The following SSUH2 variants were observed in gnomAD, a reference collection of about 807,000 sequenced individuals.
The protein encoded by SSUH2 is protein SSUH2 homolog.
Under a neutral mutation model 55.3 loss-of-function variants are expected in SSUH2, and 47 were observed. The ratio of observed to expected loss-of-function variants is 0.85; its 90% confidence interval spans 0.67 to 1.08. SSUH2 has a LOEUF of 1.08. Among genes scored for constraint, SSUH2 ranks in the 50% least tolerant of loss-of-function variants. SSUH2 has a pLI of 0.00. For synonymous variants in SSUH2, 212 were observed against 191.5 expected, an observed-to-expected ratio of 1.11 and a Z score of -0.89; for missense variants, 535 against 490.7, an observed-to-expected ratio of 1.09 and a Z score of -0.85.
chr3:8,630,893 G>T lies in SSUH2; in HGVS notation c.437C>A (p.Pro146His). Reference sequence around the variant, plus strand: ...TTGAACCTTGATGTCCCAGAGCCTGGGGGAGGCGCCTCTTTGCGGCCCATC... The same window carrying T: ...TTGAACCTTGATGTCCCAGAGCCTGTGGGAGGCGCCTCTTTGCGGCCCATC... ...SVDGPQRGAS[P>H]RLWDIKVQGP... The change falls in exon 6 of 12, where the codon CCC becomes CAC. Residue 146 changes from proline (P) to histidine (H), a missense_variant. Coordinates refer to ENST00000544814, the MANE Select transcript of SSUH2 (RefSeq NM_001256748.3). 6.8e-7 allele frequency: 1 copy of T among 1,472,778 alleles called. No homozygotes were observed. Among genetic ancestry groups the T allele is most frequent in the Non-Finnish European group, 9.0e-7 (1 of 1,112,380 alleles). The allele number at this position is 1,472,778 out of a possible 1,614,324, so 91.2% of individuals were successfully genotyped here.
At chr3:8,675,831 G>A (rs574393281) in intron 3 of SSUH2, among the ~76,000 whole-genome samples, 2 of 152,082 alleles carry the variant, frequency 1.3e-5, no homozygotes, top group Admixed American at 6.5e-5. Context: ...CCAGCCCTGG[G>A]GCTACCGGAT....
Position 8,620,016 on chromosome 3 carries a change from T to C in SSUH2, c.982-2A>G. ...GGGGATCAGCTCAATGGTCTGGCGCTGAGGAAACAAATAGCCAAGGAAAAT... is the reference window on the plus strand; with the variant it reads ...GGGGATCAGCTCAATGGTCTGGCGCCGAGGAAACAAATAGCCAAGGAAAAT... On this transcript the variant is annotated splice_acceptor_variant, in intron 11 of 11. Coordinates refer to ENST00000544814, the MANE Select transcript of SSUH2 (RefSeq NM_001256748.3). LOFTEE classifies it high-confidence loss of function. 1 of 1,613,718 alleles carries C rather than the reference T, an allele frequency of 6.2e-7. No individual in the cohort carries two copies. The highest frequency in any genetic ancestry group is 2.2e-5 in the East Asian group (1 of 44,882).
At chr3:8,660,575 G>C (rs1017880580) in intron 6 of SSUH2, among the ~76,000 whole-genome samples, 8 of 152,210 alleles carry the variant, frequency 5.3e-5, no homozygotes, top group Non-Finnish European at 1.0e-4. Flanking sequence ...GAAAAAAAGA[G>C]AGAAAGACAA....
Position 8,619,834 on chromosome 3 carries a change from G to T in SSUH2, c.*34C>A. 9 of 1,604,530 alleles carry T rather than the reference G, an allele frequency of 5.6e-6. No individual in the cohort carries two copies. Among genetic ancestry groups the T allele is most frequent in the Non-Finnish European group, 7.7e-6 (9 of 1,174,942 alleles). ...GTGTCGGCCATCTTCCTTGGCAAAC[G>T]TGAATGGCAGGCTCTGGGGACAGCC... On this transcript the variant is annotated 3_prime_UTR_variant, in exon 12 of 12. Transcript: ENST00000544814.
At chr3:8,625,395 C>T (rs987076511) in intron 10 of SSUH2, 147 bp downstream of exon 10, 25 of 571,864 alleles carry the variant, frequency 4.4e-5, no homozygotes, top group East Asian at 3.0e-5. Context: ...AGGCTCCCCA[C>T]AGCCTTATCC....
chr3:8,659,818 G>A (rs1461100880), intron 6 of SSUH2: 1 of 455,988 alleles, frequency 2.2e-6, no homozygotes, highest in African/African-American at 2.0e-5. Context: ...TCAGAAGAGA[G>A]AGAGATAGAG....
chr3:8,639,030 C>T (rs923117540), intron 1 of SSUH2, among the ~76,000 whole-genome samples: 2 of 152,238 alleles, frequency 1.3e-5, no homozygotes, highest in Admixed American at 6.5e-5. Flanking sequence ...AGAGCAGCTA[C>T]AGTTCATCAG....
At chr3:8,679,464 GGA>G (rs1705799681) in intron 2 of SSUH2, among the ~76,000 whole-genome samples, 1 of 116,226 alleles carries the variant, frequency 8.6e-6, no homozygotes, top group African/African-American at 3.2e-5. Context: ...GCACCCCCCG[GGA>G]GGCGGGGACT....
Position 8,679,239 on chromosome 3 carries a change from G to A in SSUH2, c.-901+466C>T, listed in dbSNP as rs567001896. Among the ~76,000 whole-genome samples the A allele has an allele frequency of 2.4e-4, 21 of 89,302 alleles. 5 individuals carry two copies. The East Asian group carries it at 3.8e-3, about 16-fold the overall frequency. 58.6% of individuals were successfully genotyped at this position (89,302 alleles called of 152,430 possible). A position where few individuals can be genotyped will look rare whatever the true frequency, so the allele number is the denominator to read the frequency against. Reference sequence around the variant, plus strand: ...ATGGCACCCTCCGTGAGCGGGGACTGAGAGCCAGCCAATTTTCCCCCTGGC... The same window carrying A: ...ATGGCACCCTCCGTGAGCGGGGACTAAGAGCCAGCCAATTTTCCCCCTGGC... On this transcript the variant is annotated intron_variant, in intron 2 of 18. Coordinates refer to the SSUH2 transcript ENST00000317371.
In SSUH2 at chr3:8,626,307, G is replaced by A; in HGVS notation, c.689C>T (p.Ser230Leu). Residue 230 changes from serine to leucine, a missense_variant, in exon 9 of 12, where the codon TCA becomes TTA. Transcript: ENST00000544814. ...GGCGCAGGTCTTGTTCCCTCTCCCT[G>A]AGCAAGTGCTGCATCTGAGAAAGGC... The part of the protein sequence containing the change: ...GSGRRRCSTC[S>L]GRGNKTCATC... 1 of 1,613,964 alleles carries A rather than the reference G, an allele frequency of 6.2e-7. No homozygotes were observed. Among genetic ancestry groups the A allele is most frequent in the Non-Finnish European group, 8.5e-7 (1 of 1,179,944 alleles).
chr3:8,676,861 G>A (rs1234102147), intron 3 of SSUH2, among the ~76,000 whole-genome samples: 6 of 149,202 alleles, frequency 4.0e-5, no homozygotes, highest in Admixed American at 3.3e-4. Flanking sequence ...GACCCCCATC[G>A]CAGGGGAGGA....
At chr3:8,651,671 G>A (rs1266908740) in intron 7 of SSUH2, among the ~76,000 whole-genome samples, 1 of 152,168 alleles carries the variant, frequency 6.6e-6, no homozygotes, top group Non-Finnish European at 1.5e-5. Flanking sequence ...TAGCCCCACT[G>A]CAGAGTCTCC....
intron 1 of SSUH2, among the ~76,000 whole-genome samples, chr3:8,636,783 T>G (rs373616386): frequency 6.6e-6 from 1 of 152,214 alleles, no homozygotes; most frequent in Admixed American, 6.5e-5. Context: ...CCCTTGCACA[T>G]CTAATGCCAT....
At chr3:8,635,945 G>A (rs2125210920) in intron 1 of SSUH2, 88 bp from the exon 2 acceptor site, 2 of 1,186,398 alleles carry the variant, frequency 1.7e-6, no homozygotes, top group South Asian at 1.5e-5. Flanking sequence ...TAGGGCGGGT[G>A]CATTATAAAA....
At chr3:8,633,975 G>T in intron 3 of SSUH2, 180 bp from the exon 4 acceptor site, 1 of 1,608,828 alleles carries the variant, frequency 6.2e-7, no homozygotes. Flanking sequence ...GGTGCCCAGC[G>T]TGAGAACGGG....
Position 8,619,745 on chromosome 3 carries a change from G to T in SSUH2, c.*123C>A, listed in dbSNP as rs1367327350. The T allele has an allele frequency of 1.1e-5, 13 of 1,199,104 alleles. No homozygotes were observed. Among genetic ancestry groups the T allele is most frequent in the Non-Finnish European group, 1.4e-5 (12 of 861,542 alleles). 74.3% of individuals were successfully genotyped at this position (1,199,104 alleles called of 1,614,324 possible). A position where few individuals can be genotyped will look rare whatever the true frequency, so the allele number is the denominator to read the frequency against. On this transcript the variant is annotated 3_prime_UTR_variant, in exon 12 of 12. Transcript: ENST00000544814. ...TGATAGATGATAAGCTGGTTTTTCT[G>T]GAAGGACATGCCAGGGTTTGTATGT...
At chr3:8,649,871 T>C (rs941852651) in intron 7 of SSUH2, among the ~76,000 whole-genome samples, 1 of 152,144 alleles carries the variant, frequency 6.6e-6, no homozygotes, top group African/African-American at 2.4e-5. Flanking sequence ...ACACCCTTCC[T>C]GGCTGCAAAA....
chr3:8,673,774 G>A (rs2136141), intron 3 of SSUH2, among the ~76,000 whole-genome samples: 28,181 of 152,126 alleles, frequency 0.19, 4,269 homozygotes, highest in African/African-American at 0.42. Flanking sequence ...TTGGACCCAC[G>A]TGAAAGAGAG....
At chr3:8,654,350 T>C (rs1470338275) in intron 7 of SSUH2, among the ~76,000 whole-genome samples, 2 of 152,242 alleles carry the variant, frequency 1.3e-5, no homozygotes, top group Admixed American at 1.3e-4. Flanking sequence ...CAAAAGAATC[T>C]GGCTTCTTTC....
Sources: gnomAD v4.1 joint callset for allele counts (sites outside exome capture counted in the v4.1 genomes callset) on GRCh38, gnomAD v4.1.1 for gene constraint, MANE v1.5 for transcripts, NCBI Gene and HGNC (gene_info 2026-07-23, HGNC 2026-07-21) for gene names.